The following SLC24A2 variants were observed in gnomAD, a reference collection of about 807,000 sequenced individuals.
SLC24A2 encodes the protein solute carrier family 24 member 2, also known as sodium/potassium/calcium exchanger 2.
In SLC24A2, 36 loss-of-function variants were observed where a neutral mutation model predicts 62.0. The ratio of observed to expected loss-of-function variants is 0.58; its 90% CI spans 0.44 to 0.77. SLC24A2 has a LOEUF of 0.77. Ranked by LOEUF, SLC24A2 falls within the 30% of genes least tolerant of loss-of-function variation. The pLI is 0.00. For synonymous variants in SLC24A2, 358 were observed against 294.0 expected (o/e 1.22, Z -2.23); for missense variants, 846 against 817.9 (o/e 1.03, Z -0.42).
In SLC24A2 at chr9:19,512,872, A is replaced by G. The variant is rs1832769366; in HGVS notation, c.*3281T>C. The G allele has an allele frequency of 1.3e-5, 2 of 152,032 alleles. No homozygotes were observed. Among genetic ancestry groups the G allele is most frequent in the Admixed American group, 1.3e-4 (2 of 15,246 alleles). 9.4% of individuals were successfully genotyped at this position (152,032 alleles called of 1,614,324 possible). On this transcript the variant is annotated 3_prime_UTR_variant, in exon 11 of 11. Coordinates refer to ENST00000341998, the MANE Select transcript of SLC24A2 (RefSeq NM_020344.4). Reference sequence around the variant, plus strand: ...GTTGTGTATTCTTTGCCTCTATATCAGCATTAGGGATATGGCTGACCGATT... The same window carrying G: ...GTTGTGTATTCTTTGCCTCTATATCGGCATTAGGGATATGGCTGACCGATT...
At chr9:20,048,081 C>T in the SLC24A2 span, among the ~76,000 whole-genome samples, 1 of 152,022 alleles carries the variant, frequency 6.6e-6, no homozygotes, top group South Asian at 2.1e-4. Flanking sequence ...ATGCAAGACA[C>T]CAGATTGTTA....
the SLC24A2 span, among the ~76,000 whole-genome samples, chr9:20,224,797 G>T: frequency 2.6e-5 from 4 of 152,150 alleles, no homozygotes; most frequent in South Asian, 2.1e-4. Flanking sequence ...GATCATTTTC[G>T]TGGGGCTAAT....
the SLC24A2 span, among the ~76,000 whole-genome samples, chr9:19,961,616 A>G: frequency 6.6e-6 from 1 of 152,222 alleles, no homozygotes; most frequent in Admixed American, 6.5e-5. Context: ...ACTTCCTGGT[A>G]TTCATGCTCT....
chr9:20,054,932 T>A, the SLC24A2 span, among the ~76,000 whole-genome samples: 1 of 152,252 alleles, frequency 6.6e-6, no homozygotes, highest in African/African-American at 2.4e-5. Flanking sequence ...AAACAAGTGA[T>A]GACATAATCC....
At chr9:20,019,308 AAAGAAAGT>A in the SLC24A2 span, among the ~76,000 whole-genome samples, 1 of 145,254 alleles carries the variant, frequency 6.9e-6, no homozygotes, top group East Asian at 2.0e-4. Context: ...AGAAAGAAAG[AAAGAAAGT>A]GAGTGACTTG....
chr9:19,637,132 C>T (rs1259042087), intron 2 of SLC24A2, among the ~76,000 whole-genome samples: 2 of 152,188 alleles, frequency 1.3e-5, no homozygotes, highest in African/African-American at 2.4e-5. Context: ...CTAGCCCATC[C>T]AGTTGACAGC....
the SLC24A2 span, among the ~76,000 whole-genome samples, chr9:20,217,972 C>A: frequency 6.6e-6 from 1 of 152,182 alleles, no homozygotes; most frequent in Non-Finnish European, 1.5e-5. Flanking sequence ...GTCAACTAGT[C>A]ATTAGAAACC....
chr9:20,292,752 G>A, the SLC24A2 span, among the ~76,000 whole-genome samples: 3 of 152,120 alleles, frequency 2.0e-5, no homozygotes, highest in African/African-American at 7.2e-5. Context: ...ACCAAGCCCA[G>A]GTAATTCCTT....
intron 4 of SLC24A2, among the ~76,000 whole-genome samples, chr9:19,616,869 T>A (rs775350019): frequency 2.0e-5 from 3 of 150,870 alleles, no homozygotes; most frequent in Non-Finnish European, 4.4e-5. Flanking sequence ...TGCTGAAAAA[T>A]GGGCAGGAGT....
chr9:20,199,934 T>C, the SLC24A2 span, among the ~76,000 whole-genome samples: 1 of 150,862 alleles, frequency 6.6e-6, no homozygotes, highest in South Asian at 2.1e-4. Context: ...TTTCACGATG[T>C]TGGCCAGGCT....
At chr9:19,637,553 G>A in intron 2 of SLC24A2, among the ~76,000 whole-genome samples, 1 of 152,204 alleles carries the variant, frequency 6.6e-6, no homozygotes, top group East Asian at 1.9e-4. Flanking sequence ...CTTTTTACCT[G>A]ACTGGTCATT....
chr9:19,949,106 G>A, the SLC24A2 span, among the ~76,000 whole-genome samples: 1,663 of 152,082 alleles, frequency 0.011, 23 homozygotes, highest in African/African-American at 0.038. Flanking sequence ...TGATTCTCCT[G>A]CCTCAGCCTC....
chr9:19,627,442 G>A (rs970779695), intron 2 of SLC24A2, among the ~76,000 whole-genome samples: 42 of 152,170 alleles, frequency 2.8e-4, no homozygotes, highest in African/African-American at 1.0e-3. Context: ...AGTAAGGCAA[G>A]GGGGCCAGGG....
upstream of SLC24A2, among the ~76,000 whole-genome samples, chr9:19,793,954 C>T (rs1310131604): frequency 6.6e-6 from 1 of 152,218 alleles, no homozygotes; most frequent in Non-Finnish European, 1.5e-5. Context: ...ATGTTCTCCT[C>T]AGGCCTCTCA....
the SLC24A2 span, among the ~76,000 whole-genome samples, chr9:20,034,457 T>C: frequency 1.5e-5 from 2 of 135,862 alleles, no homozygotes; most frequent in African/African-American, 5.6e-5. Context: ...TTAAGTTTTT[T>C]TTTTTTTTTT....
At chr9:19,925,502 T>G in the SLC24A2 span, among the ~76,000 whole-genome samples, 1 of 152,244 alleles carries the variant, frequency 6.6e-6, no homozygotes, top group South Asian at 2.1e-4. Context: ...ACATTAGTTC[T>G]TGCTGCCAAA....
chr9:19,744,581 G>A (rs1187369283), intron 2 of SLC24A2, among the ~76,000 whole-genome samples: 1 of 152,174 alleles, frequency 6.6e-6, no homozygotes, highest in African/African-American at 2.4e-5. Flanking sequence ...TCCAACTGAT[G>A]TTGTCACATG....
the SLC24A2 span, among the ~76,000 whole-genome samples, chr9:20,274,332 G>A: frequency 2.0e-5 from 3 of 152,098 alleles, no homozygotes; most frequent in Non-Finnish European, 4.4e-5. Flanking sequence ...GAAGAGGTGA[G>A]GAGCCAAGAT....
the SLC24A2 span, among the ~76,000 whole-genome samples, chr9:20,030,463 G>A: frequency 2.6e-5 from 4 of 152,136 alleles, no homozygotes; most frequent in African/African-American, 9.7e-5. Flanking sequence ...ACACAGAAAG[G>A]CTCCAAGTGC....
Sources: gnomAD v4.1 joint callset for allele counts (sites outside exome capture counted in the v4.1 genomes callset) on GRCh38, gnomAD v4.1.1 for gene constraint, MANE v1.5 for transcripts, NCBI Gene and HGNC (gene_info 2026-07-23, HGNC 2026-07-21) for gene names.